USP24: variants seen among roughly 807,000 people sequenced by gnomAD.
USP24 encodes ubiquitin specific peptidase 24, also known as ubiquitin carboxyl-terminal hydrolase 24.
USP24 carries 97 observed loss-of-function variants against 361.6 expected under a neutral mutation model. The observed-to-expected ratio is 0.27, with a 90% CI of 0.23 to 0.32. The LOEUF is 0.32. Among genes scored for constraint, USP24 ranks in the 10% least tolerant of loss-of-function variants. The pLI is 1.00. For missense variants in USP24, 2,353 were observed against 3,165.6 expected (o/e 0.74, Z 6.16); for synonymous variants, 1,098 against 1,124.6 (o/e 0.98, Z 0.47).
chr1:55,091,740 G>A (rs1570379206), intron 54 of USP24, among the ~76,000 whole-genome samples: 1 of 152,156 alleles, frequency 6.6e-6, no homozygotes, highest in Non-Finnish European at 1.5e-5. Flanking sequence ...GAACATCAGT[G>A]TCTTAAAGCC....
At chr1:55,144,944 A>C (rs921705313) in intron 20 of USP24, among the ~76,000 whole-genome samples, 129 of 152,166 alleles carry the variant, frequency 8.5e-4, no homozygotes, top group African/African-American at 2.9e-3. Flanking sequence ...CAAACAAACA[A>C]ACCAAAAAAA....
chr1:55,087,017 CAATTAT>C (rs1645265495), intron 55 of USP24, among the ~76,000 whole-genome samples: 1 of 152,108 alleles, frequency 6.6e-6, no homozygotes, highest in Non-Finnish European at 1.5e-5. Flanking sequence ...AATTTTTTTA[CAATTAT>C]AATTATGTTT....
intron 28 of USP24, among the ~76,000 whole-genome samples, chr1:55,134,907 TA>T (rs1646691571): frequency 6.6e-6 from 1 of 152,192 alleles, no homozygotes; most frequent in African/African-American, 2.4e-5. Flanking sequence ...AAAATGGTTA[TA>T]ACTGCATAAA....
intron 28 of USP24, among the ~76,000 whole-genome samples, chr1:55,135,744 TA>T (rs751881709): frequency 9.6e-4 from 146 of 152,076 alleles, no homozygotes; most frequent in Non-Finnish European, 1.7e-3. Flanking sequence ...ATAATAACCA[TA>T]GGGGGAAATA....
At chr1:55,129,958 C>T (rs943146618) in intron 31 of USP24, among the ~76,000 whole-genome samples, 46 of 152,266 alleles carry the variant, frequency 3.0e-4, no homozygotes, top group African/African-American at 1.1e-3. Context: ...ATGAGTTTCC[C>T]AACAATAACT....
intron 53 of USP24, among the ~76,000 whole-genome samples, 189 bp from the exon 54 acceptor site, chr1:55,092,315 G>C (rs1645401405): frequency 6.6e-6 from 1 of 152,142 alleles, no homozygotes. Flanking sequence ...TTTTTAAAAA[G>C]GTTAAGAAAA....
intron 1 of USP24, among the ~76,000 whole-genome samples, chr1:55,194,373 T>C (rs1644364101): frequency 6.6e-6 from 1 of 152,182 alleles, no homozygotes; most frequent in Non-Finnish European, 1.5e-5. Context: ...TGGTGCCCGA[T>C]TTGCAGGATT....
At chr1:55,187,685 A>G (rs1644171078) in intron 1 of USP24, among the ~76,000 whole-genome samples, 1 of 152,190 alleles carries the variant, frequency 6.6e-6, no homozygotes, top group Admixed American at 6.5e-5. Context: ...AAAGAGAATA[A>G]TTTCATTTAC....
intron 1 of USP24, among the ~76,000 whole-genome samples, chr1:55,207,693 A>G (rs1644746401): frequency 6.6e-6 from 1 of 152,230 alleles, no homozygotes; most frequent in Admixed American, 6.5e-5. Flanking sequence ...TAGGGACTTG[A>G]GCATGGTGGG....
At chr1:55,092,377 G>A (rs532936178) in intron 53 of USP24, among the ~76,000 whole-genome samples, 29 of 152,236 alleles carry the variant, frequency 1.9e-4, no homozygotes, top group Middle Eastern at 3.4e-3. Context: ...TTGTTAGACC[G>A]CAGGATGTTA....
chr1:55,157,997 A>G (rs7539251), intron 10 of USP24, among the ~76,000 whole-genome samples: 5,700 of 152,300 alleles, frequency 0.037, 344 homozygotes, highest in African/African-American at 0.13. Context: ...GACACTTCAT[A>G]TGCAGAAGGA....
In USP24 at chr1:55,165,958, GA is replaced by G; in HGVS notation, c.862-9del. 3 of 1,599,640 alleles carry G rather than the reference GA, an allele frequency of 1.9e-6. No individual in the cohort carries two copies. Among genetic ancestry groups the G allele is most frequent in the Non-Finnish European group, 2.6e-6 (3 of 1,173,072 alleles). On this transcript the variant is annotated splice_polypyrimidine_tract_variant and intron_variant, in intron 6 of 67. Transcript: ENST00000294383. ...TCCACCTAATTCTCCAAACTGAGAA[GA>G]AAAAAGGCACACATTAAGTTATTTT...
intron 64 of USP24, 57 bp downstream of exon 64, chr1:55,073,771 A>G: frequency 6.8e-7 from 1 of 1,476,908 alleles, no homozygotes; most frequent in Non-Finnish European, 9.3e-7. Context: ...CCTTCTGCTC[A>G]TATGTGACTT....
chr1:55,143,328 C>T (rs971728701), intron 21 of USP24, among the ~76,000 whole-genome samples: 8 of 152,166 alleles, frequency 5.3e-5, no homozygotes, highest in South Asian at 4.1e-4. Context: ...GCAAATTCCA[C>T]GGGAACCAGG....
At position 55,068,855 on chromosome 1, in the gene USP24, T is replaced by G; in HGVS notation, c.*190A>C. 1 of 599,352 alleles carries G rather than the reference T, an allele frequency of 1.7e-6. No individual in the cohort carries two copies. Among genetic ancestry groups the G allele is most frequent in the Non-Finnish European group, 2.9e-6 (1 of 343,748 alleles). The allele number at this position is 599,352 out of a possible 1,614,324, so 37.1% of individuals were successfully genotyped here. A position where few individuals can be genotyped will look rare whatever the true frequency, so the allele number is the denominator to read the frequency against. On this transcript the variant is annotated 3_prime_UTR_variant, in exon 68 of 68. Coordinates refer to ENST00000294383, the MANE Select transcript of USP24 (RefSeq NM_015306.3). The stretch of plus-strand genomic sequence containing the variant: ...GATCCACATGCCGGAGTTCTCCCAC[T>G]GCCAAACAGCTCCCAAACCTTCTAG...
At chr1:55,090,852 AG>A (rs1437195145) in intron 54 of USP24, among the ~76,000 whole-genome samples, 1 of 152,242 alleles carries the variant, frequency 6.6e-6, no homozygotes, top group Admixed American at 6.5e-5. Context: ...TGGGAGGCCA[AG>A]GAAGGCGAAT....
intron 54 of USP24, among the ~76,000 whole-genome samples, chr1:55,090,905 C>T (rs1193595767): frequency 9.2e-5 from 14 of 152,094 alleles, no homozygotes; most frequent in Non-Finnish European, 2.1e-4. Flanking sequence ...CTCAACACGG[C>T]GAAACCCCGT....
intron 1 of USP24, among the ~76,000 whole-genome samples, chr1:55,188,122 C>T (rs1270494885): frequency 3.3e-5 from 5 of 152,026 alleles, no homozygotes; most frequent in Admixed American, 1.3e-4. Context: ...GCAAGAGTCA[C>T]GAGACAACTT....
At chr1:55,173,790 A>AT (rs1228424273) in intron 3 of USP24, among the ~76,000 whole-genome samples, 3 of 151,974 alleles carry the variant, frequency 2.0e-5, no homozygotes, top group Admixed American at 6.6e-5. Flanking sequence ...TTTTTGCAGA[A>AT]TTTTTTTTGC....
Sources: allele counts gnomAD v4.1 joint callset (sites outside exome capture counted in the v4.1 genomes callset), GRCh38; gene constraint gnomAD v4.1.1; transcripts MANE v1.5; gene names NCBI Gene and HGNC (gene_info 2026-07-23, HGNC 2026-07-21).